PTPRZ1: variants seen among roughly 807,000 people sequenced by gnomAD.
The protein encoded by PTPRZ1 is receptor-type tyrosine-protein phosphatase zeta.
A neutral mutation model predicts 214.1 loss-of-function variants in PTPRZ1; 82 were observed. That is an observed-to-expected ratio of 0.38 (90% confidence interval 0.32 to 0.46). The LOEUF (loss-of-function observed/expected upper bound fraction) is 0.46. Among genes scored for constraint, PTPRZ1 ranks in the 20% least tolerant of loss-of-function variants. PTPRZ1 has a pLI of 1.00. For missense variants in PTPRZ1, 2,603 were observed against 2,748.7 expected, an observed-to-expected ratio of 0.95 and a Z score of 1.19; for synonymous variants, 945 against 987.9, an observed-to-expected ratio of 0.96 and a Z score of 0.81.
intron 1 of PTPRZ1, among the ~76,000 whole-genome samples, chr7:121,885,118 T>G (rs1584601069): frequency 6.6e-6 from 1 of 152,218 alleles, no homozygotes; most frequent in African/African-American, 2.4e-5. Flanking sequence ...CATTCCACTT[T>G]ATCACATTCA....
chr7:121,984,608 G>T (rs1185014000), intron 8 of PTPRZ1, among the ~76,000 whole-genome samples: 1 of 152,038 alleles, frequency 6.6e-6, no homozygotes, highest in Admixed American at 6.6e-5. Context: ...TCTTTGTGTT[G>T]GCAGCCCCCA....
intron 1 of PTPRZ1, among the ~76,000 whole-genome samples, chr7:121,881,824 G>A (rs1454616381): frequency 1.3e-5 from 2 of 152,134 alleles, no homozygotes; most frequent in African/African-American, 4.8e-5. Context: ...CCGAGATGGG[G>A]ACTCCAAGTG....
At chr7:122,060,930 G>C in intron 29 of PTPRZ1, 150 bp from the exon 30 acceptor site, 1 of 560,628 alleles carries the variant, frequency 1.8e-6, no homozygotes, top group Non-Finnish European at 2.8e-6. Context: ...ATCAGTATAG[G>C]TTGTGTGCAT....
intron 23 of PTPRZ1, among the ~76,000 whole-genome samples, chr7:122,047,040 G>T (rs867718842): frequency 6.6e-6 from 1 of 152,156 alleles, no homozygotes; most frequent in South Asian, 2.1e-4. Context: ...TCGGGACAGC[G>T]GAATATACTA....
intron 1 of PTPRZ1, among the ~76,000 whole-genome samples, chr7:121,879,779 T>C (rs1378352298): frequency 1.3e-5 from 2 of 152,062 alleles, no homozygotes; most frequent in Non-Finnish European, 2.9e-5. Flanking sequence ...CCTTCCTTTT[T>C]TCTTTCCCTC....
At chr7:122,032,912 G>T (rs1370940404) in intron 15 of PTPRZ1, among the ~76,000 whole-genome samples, 3 of 151,908 alleles carry the variant, frequency 2.0e-5, no homozygotes, top group African/African-American at 7.3e-5. Context: ...TAGAGGTTAC[G>T]CATGCTATAG....
chr7:122,013,629 G>C lies in PTPRZ1; in HGVS notation c.4583G>C (p.Ser1528Thr). Residue 1528 changes from serine to threonine, a missense_variant, in exon 12 of 30, where the codon AGT becomes ACT. This residue lies in a region of PTPRZ1 where 1,913 missense variants were observed against 1,914.3 expected (regional missense o/e 1.00). Transcript: ENST00000393386. ...GKEENDIQTGSALLPLSPESK... is the reference protein window; with the variant it reads ...GKEENDIQTGTALLPLSPESK... ...GAGGAAAATGACATTCAGACTGGTA[G>C]TGCTCTGCTTCCTCTCAGCCCTGAA... 6.2e-7 allele frequency: 1 copy of C among 1,614,220 alleles called. No individual in the cohort carries two copies. The highest frequency in any genetic ancestry group is 8.5e-7 in the Non-Finnish European group (1 of 1,180,044).
intron 1 of PTPRZ1, among the ~76,000 whole-genome samples, chr7:121,912,901 C>A (rs1019659435): frequency 1.3e-5 from 2 of 152,086 alleles, no homozygotes; most frequent in Non-Finnish European, 1.5e-5. Flanking sequence ...GGTTGGGGAA[C>A]AGAGACGGGT....
At chr7:121,912,575 C>T (rs1000027996) in intron 1 of PTPRZ1, among the ~76,000 whole-genome samples, 5 of 151,948 alleles carry the variant, frequency 3.3e-5, no homozygotes, top group South Asian at 2.1e-4. Context: ...GGTAAAGAAG[C>T]GGGTGAGACT....
In PTPRZ1 at chr7:122,012,216, C is replaced by A. The variant is rs1257288366; in HGVS notation, c.3170C>A (p.Pro1057His). Reference sequence around the variant, plus strand: ...GGAAATGAGACTGAACTGCAAATTCCTTCTTTCAATGAGATGGTTTACCCT... The same window carrying A: ...GGAAATGAGACTGAACTGCAAATTCATTCTTTCAATGAGATGGTTTACCCT... The part of the protein sequence containing the change: ...IYGNETELQI[P>H]SFNEMVYPSE... The change falls in exon 12 of 30, where the codon CCT becomes CAT. Residue 1057 changes from proline to histidine, a missense_variant. Coordinates refer to ENST00000393386, the MANE Select transcript of PTPRZ1 (RefSeq NM_002851.3). The A allele has an allele frequency of 6.2e-7, 1 of 1,613,860 alleles. No individual in the cohort carries two copies. Among genetic ancestry groups the A allele is most frequent in the Non-Finnish European group, 8.5e-7 (1 of 1,179,804 alleles).
intron 9 of PTPRZ1, 78 bp from the exon 10 acceptor site, chr7:121,997,801 GT>G: frequency 7.5e-7 from 1 of 1,332,414 alleles, no homozygotes; most frequent in South Asian, 1.5e-5. Context: ...GGGAGAAAAA[GT>G]TTTCTAGGAA....
At chr7:122,037,919 T>C (rs1799598727) in intron 18 of PTPRZ1, among the ~76,000 whole-genome samples, 1 of 152,156 alleles carries the variant, frequency 6.6e-6, no homozygotes, top group Non-Finnish European at 1.5e-5. Context: ...TACCCAAGAC[T>C]GGGTAATTTA....
chr7:122,043,141 A>T (rs1233221474), intron 22 of PTPRZ1, among the ~76,000 whole-genome samples: 1 of 152,224 alleles, frequency 6.6e-6, no homozygotes. Flanking sequence ...ATGCAAATAA[A>T]ATCACACTCT....
intron 28 of PTPRZ1, 88 bp from the exon 29 acceptor site, chr7:122,059,665 T>A (rs1792502959): frequency 1.4e-6 from 2 of 1,404,504 alleles, no homozygotes; most frequent in East Asian, 4.8e-5. Flanking sequence ...CACTGCAAAG[T>A]TGTCAAGGCT....
At chr7:121,943,609 A>G (rs1481363612) in intron 2 of PTPRZ1, among the ~76,000 whole-genome samples, 1 of 152,160 alleles carries the variant, frequency 6.6e-6, no homozygotes, top group African/African-American at 2.4e-5. Context: ...ACGTGCTGGG[A>G]TTACAGGCGT....
chr7:121,934,650 A>G (rs991300772), intron 2 of PTPRZ1, among the ~76,000 whole-genome samples: 1 of 152,212 alleles, frequency 6.6e-6, no homozygotes, highest in African/African-American at 2.4e-5. Flanking sequence ...AGTAATTATT[A>G]TTGAACAGTG....
chr7:121,941,523 G>A (rs934447722), intron 2 of PTPRZ1, among the ~76,000 whole-genome samples: 5 of 152,182 alleles, frequency 3.3e-5, no homozygotes, highest in Admixed American at 2.6e-4. Context: ...AAGTGGAATT[G>A]CAAGTGCCCT....
intron 18 of PTPRZ1, among the ~76,000 whole-genome samples, chr7:122,038,006 G>A (rs1169118196): frequency 6.6e-6 from 1 of 152,150 alleles, no homozygotes; most frequent in African/African-American, 2.4e-5. Context: ...CATGGTGAAA[G>A]GCACCTCTTC....
chr7:122,009,490 A>G (rs1028941253), intron 11 of PTPRZ1, among the ~76,000 whole-genome samples: 12 of 151,490 alleles, frequency 7.9e-5, no homozygotes, highest in Non-Finnish European at 1.6e-4. Context: ...AACTTTGGCA[A>G]TTGAGTTTTC....
Sources: allele counts gnomAD v4.1 joint callset (sites outside exome capture counted in the v4.1 genomes callset), GRCh38; gene constraint gnomAD v4.1.1; regional missense constraint gnomAD v4.1.1; transcripts MANE v1.5; gene names NCBI Gene and HGNC (gene_info 2026-07-23, HGNC 2026-07-21).